The following ZNF385D variants were observed in gnomAD, a reference collection of about 807,000 sequenced individuals.
The protein encoded by ZNF385D is zinc finger protein 659.
Under a neutral mutation model 35.8 loss-of-function variants are expected in ZNF385D, and 15 were observed. The ratio of observed to expected loss-of-function variants is 0.42; its 90% confidence interval spans 0.28 to 0.64. ZNF385D has a LOEUF of 0.64. Among genes scored for constraint, ZNF385D ranks in the 30% least tolerant of loss-of-function variants. The probability of loss-of-function intolerance (pLI) is 0.23; values close to 1 mark genes in which losing one functional copy is unlikely to be tolerated. For synonymous variants in ZNF385D, 212 were observed against 186.8 expected (o/e 1.13, Z -1.10); for missense variants, 474 against 494.6 (o/e 0.96, Z 0.39).
Position 21,751,129 on chromosome 3 carries a change from G to C in ZNF385D, c.-213C>G. The C allele has an allele frequency of 6.8e-7, 1 of 1,460,460 alleles. No homozygotes were observed. The highest frequency in any genetic ancestry group is 9.0e-7 in the Non-Finnish European group (1 of 1,107,674). The allele number at this position is 1,460,460 out of a possible 1,614,324, so 90.5% of individuals were successfully genotyped here. ...TCCCCGGCGGCTGGAGAGTGCGCTC[G>C]GGCTGCCTGCTGCACTGCCCATCCT... On this transcript the variant is annotated 5_prime_UTR_variant, in exon 1 of 8. Transcript: ENST00000281523.
chr3:21,709,142 T>C (rs941889232), intron 1 of ZNF385D, among the ~76,000 whole-genome samples: 6 of 152,196 alleles, frequency 3.9e-5, no homozygotes, highest in African/African-American at 9.7e-5. Context: ...ACATATTATA[T>C]ATTTTACATG....
At chr3:21,832,113 T>G (rs572981286) in intron 3 of ZNF385D, among the ~76,000 whole-genome samples, 19 of 152,288 alleles carry the variant, frequency 1.2e-4, no homozygotes, top group African/African-American at 3.8e-4. Flanking sequence ...CATCTCTCCT[T>G]AAAGTTCATA....
At chr3:22,279,259 C>CTCCCA (rs2125376131) in intron 2 of ZNF385D, among the ~76,000 whole-genome samples, 1 of 151,940 alleles carries the variant, frequency 6.6e-6, no homozygotes, top group African/African-American at 2.4e-5. Flanking sequence ...CCTCACACCC[C>CTCCCA]TCCCACTCTT....
At chr3:22,039,982 A>T (rs1208532391) in intron 3 of ZNF385D, among the ~76,000 whole-genome samples, 1 of 152,170 alleles carries the variant, frequency 6.6e-6, no homozygotes. Flanking sequence ...AAGGAGGATC[A>T]TGAGGCTGAA....
intron 2 of ZNF385D, among the ~76,000 whole-genome samples, chr3:22,248,465 A>G (rs1332623825): frequency 6.6e-6 from 1 of 152,204 alleles, no homozygotes; most frequent in East Asian, 1.9e-4. Flanking sequence ...GTGAGGCAGA[A>G]TATTAAAGGA....
intron 1 of ZNF385D, among the ~76,000 whole-genome samples, chr3:21,719,590 T>A (rs1385499638): frequency 6.6e-6 from 1 of 152,162 alleles, no homozygotes. Context: ...ATGAGACATA[T>A]GACGTATGAA....
At chr3:21,694,024 G>A (rs1229835588) in intron 1 of ZNF385D, among the ~76,000 whole-genome samples, 7 of 90,304 alleles carry the variant, frequency 7.8e-5, no homozygotes, top group East Asian at 2.7e-4. Flanking sequence ...GACTACAGGC[G>A]CGTGCCACTA....
chr3:21,564,409 A>G (rs555742815), intron 3 of ZNF385D, among the ~76,000 whole-genome samples, 165 bp downstream of exon 3: 3 of 152,358 alleles, frequency 2.0e-5, no homozygotes, highest in African/African-American at 7.2e-5. Context: ...CAAACATAAC[A>G]TAATAAACTC....
At chr3:22,201,400 A>C (rs746664428) in intron 2 of ZNF385D, among the ~76,000 whole-genome samples, 1 of 152,152 alleles carries the variant, frequency 6.6e-6, no homozygotes, top group Admixed American at 6.6e-5. Flanking sequence ...AAAATAGTAG[A>C]GGTAGCTATC....
At chr3:22,134,725 T>A (rs1329433293) in intron 3 of ZNF385D, among the ~76,000 whole-genome samples, 2 of 152,142 alleles carry the variant, frequency 1.3e-5, no homozygotes, top group African/African-American at 4.8e-5. Flanking sequence ...GGCTGAGAAG[T>A]CCAAGATTGA....
At chr3:22,235,181 T>C (rs1193982823) in intron 2 of ZNF385D, among the ~76,000 whole-genome samples, 3 of 152,092 alleles carry the variant, frequency 2.0e-5, no homozygotes, top group Non-Finnish European at 4.4e-5. Context: ...TCTGGAATTT[T>C]ACCCTCAGCC....
intron 1 of ZNF385D, among the ~76,000 whole-genome samples, chr3:21,692,217 T>C (rs6764199): frequency 0.16 from 24,951 of 152,032 alleles, 2,226 homozygotes; most frequent in East Asian, 0.23. Context: ...GACCCTGAGG[T>C]TTAGGGAGGT....
chr3:21,757,620 C>T (rs187531094), intron 3 of ZNF385D, among the ~76,000 whole-genome samples: 79 of 152,220 alleles, frequency 5.2e-4, no homozygotes, highest in Admixed American at 1.3e-3. Flanking sequence ...CAAGTACTGT[C>T]CTAGGCGCTA....
intron 3 of ZNF385D, among the ~76,000 whole-genome samples, chr3:21,913,132 C>A (rs1700042922): frequency 6.6e-6 from 1 of 152,018 alleles, no homozygotes; most frequent in African/African-American, 2.4e-5. Context: ...GAATGTTCCT[C>A]TAAATGTAAA....
intron 2 of ZNF385D, among the ~76,000 whole-genome samples, chr3:22,218,408 T>C (rs934927337): frequency 6.6e-5 from 10 of 151,998 alleles, no homozygotes; most frequent in Non-Finnish European, 5.9e-5. Flanking sequence ...TGTAACATCA[T>C]AAATTATAAT....
At chr3:22,316,260 C>T (rs889505418) in intron 2 of ZNF385D, among the ~76,000 whole-genome samples, 2 of 152,156 alleles carry the variant, frequency 1.3e-5, no homozygotes, top group African/African-American at 2.4e-5. Context: ...CTTTAGTTCT[C>T]AGGGAGGCAG....
chr3:22,111,421 A>C (rs1420876885), intron 3 of ZNF385D, among the ~76,000 whole-genome samples: 1 of 151,988 alleles, frequency 6.6e-6, no homozygotes, highest in African/African-American at 2.4e-5. Context: ...ACAAAGCAGA[A>C]AGTGAGCCCT....
intron 3 of ZNF385D, among the ~76,000 whole-genome samples, chr3:21,532,579 G>C (rs2061949135): frequency 6.7e-6 from 1 of 150,182 alleles, no homozygotes; most frequent in Admixed American, 6.7e-5. Flanking sequence ...TAATTAAAAA[G>C]AAAACCATCT....
chr3:22,349,796 A>G (rs887406509), intron 2 of ZNF385D, among the ~76,000 whole-genome samples: 12 of 152,160 alleles, frequency 7.9e-5, no homozygotes, highest in Admixed American at 3.3e-4. Context: ...AAGAAAATTC[A>G]AAAGTACACT....
Sources: allele counts gnomAD v4.1 joint callset (sites outside exome capture counted in the v4.1 genomes callset), GRCh38; gene constraint gnomAD v4.1.1; transcripts MANE v1.5; gene names NCBI Gene and HGNC (gene_info 2026-07-23, HGNC 2026-07-21).